Variants in KCNH1 observed in about 807,000 individuals in gnomAD.
The protein encoded by KCNH1 is voltage-gated delayed rectifier potassium channel KCNH1.
In KCNH1, 27 loss-of-function variants were observed where a neutral mutation model predicts 69.2. The observed-to-expected ratio is 0.39, with a 90% CI of 0.29 to 0.54. The LOEUF is 0.54. KCNH1 is among the 20% of genes least tolerant of loss of function. The pLI is 0.68. For synonymous variants in KCNH1, 456 were observed against 487.7 expected, an observed-to-expected ratio of 0.93 and a Z score of 0.86; for missense variants, 798 against 1,261.6, an observed-to-expected ratio of 0.63 and a Z score of 5.57.
intron 7 of KCNH1, among the ~76,000 whole-genome samples, chr1:210,862,596 A>C (rs1266702622): frequency 1.3e-5 from 2 of 152,176 alleles, no homozygotes; most frequent in Non-Finnish European, 2.9e-5. Context: ...AGCCTCCCAA[A>C]GTGCTGGATT....
chr1:210,900,203 C>A (rs999333832), intron 7 of KCNH1, among the ~76,000 whole-genome samples: 8 of 152,172 alleles, frequency 5.3e-5, no homozygotes, highest in Non-Finnish European at 7.3e-5. Flanking sequence ...AAAAACACAG[C>A]AATGCCTGGA....
intron 7 of KCNH1, among the ~76,000 whole-genome samples, chr1:210,903,878 G>T (rs1309371828): frequency 6.6e-6 from 1 of 152,166 alleles, no homozygotes; most frequent in Non-Finnish European, 1.5e-5. Flanking sequence ...GCTCCTTGGG[G>T]ACACAAACAG....
At chr1:210,972,286 T>C (rs548464890) in intron 6 of KCNH1, among the ~76,000 whole-genome samples, 7 of 152,252 alleles carry the variant, frequency 4.6e-5, no homozygotes, top group African/African-American at 1.7e-4. Flanking sequence ...AAAGGCTGCC[T>C]CCCATTCTGG....
At chr1:210,922,747 C>T (rs887170826) in intron 6 of KCNH1, among the ~76,000 whole-genome samples, 3 of 152,144 alleles carry the variant, frequency 2.0e-5, no homozygotes, top group African/African-American at 7.2e-5. Context: ...TACATTCTAA[C>T]AGAGGAGAAA....
intron 10 of KCNH1, among the ~76,000 whole-genome samples, chr1:210,689,997 G>A (rs1048440118): frequency 2.6e-5 from 4 of 152,172 alleles, no homozygotes; most frequent in African/African-American, 9.7e-5. Flanking sequence ...TCACACATGA[G>A]CATGGCCACA....
chr1:211,082,897 G>C lies in KCNH1; in HGVS notation c.441C>G (p.Gly147=), dbSNP rs765088844. ...KQPIEDDSCK[G]WGKFARLTRA... ...TTGTCAGCCGAGCAAACTTCCCCCA[G>C]CCTGAAGCAAGTGGAAGAGTGAAAA... is the stretch of plus-strand genomic sequence containing the variant. Residue 147 remains glycine, a splice_region_variant and synonymous_variant, in exon 5 of 11, where the codon GGC becomes GGG. Transcript: ENST00000271751. 1 of 1,612,920 alleles carries C rather than the reference G, an allele frequency of 6.2e-7. No individual in the cohort carries two copies. Among genetic ancestry groups the C allele is most frequent in the Non-Finnish European group, 8.5e-7 (1 of 1,179,292 alleles).
chr1:210,831,551 C>T lies in KCNH1; in HGVS notation c.1463-27385G>A, dbSNP rs146483728. ...AGCTATGAATAGATGCCTCAGTAGG[C>T]CATCTGGGCCATGGCATAGCACTTG... On this transcript the variant is annotated intron_variant, in intron 7 of 10. Coordinates refer to ENST00000271751, the MANE Select transcript of KCNH1 (RefSeq NM_172362.3). 2.9e-3 allele frequency among the ~76,000 whole-genome samples: 447 copies of T among 152,256 alleles called. 3 individuals carry two copies. Among genetic ancestry groups the T allele is most frequent in the African/African-American group, 0.01 (423 of 41,558 alleles).
At chr1:210,962,067 G>A (rs568313394) in intron 6 of KCNH1, among the ~76,000 whole-genome samples, 1 of 152,192 alleles carries the variant, frequency 6.6e-6, no homozygotes, top group East Asian at 1.9e-4. Context: ...ACTAAAGGGG[G>A]ACCCTTTGCA....
At chr1:210,826,136 A>G (rs1457849926) in intron 7 of KCNH1, among the ~76,000 whole-genome samples, 1 of 152,180 alleles carries the variant, frequency 6.6e-6, no homozygotes. Flanking sequence ...TGTGAGATGG[A>G]TTGAATTTTT....
intron 6 of KCNH1, among the ~76,000 whole-genome samples, chr1:210,999,226 C>T (rs938697859): frequency 5.3e-5 from 8 of 152,076 alleles, no homozygotes; most frequent in African/African-American, 1.9e-4. Context: ...AATCCAGGGG[C>T]TGGTTTTTTG....
At chr1:211,058,137 AAAAT>A (rs1164026505) in intron 5 of KCNH1, among the ~76,000 whole-genome samples, 3 of 152,234 alleles carry the variant, frequency 2.0e-5, no homozygotes, top group African/African-American at 7.2e-5. Flanking sequence ...ACATGAAGAA[AAAAT>A]AAATATTTTC....
At chr1:211,039,273 G>A (rs996447991) in intron 5 of KCNH1, among the ~76,000 whole-genome samples, 25 of 152,344 alleles carry the variant, frequency 1.6e-4, no homozygotes, top group African/African-American at 2.6e-4. Flanking sequence ...GGGAACTTCC[G>A]CCTAGATTTC....
intron 9 of KCNH1, among the ~76,000 whole-genome samples, chr1:210,782,420 C>A (rs546577952): frequency 2.0e-5 from 3 of 152,204 alleles, no homozygotes; most frequent in South Asian, 4.1e-4. Flanking sequence ...AAGATGGAAC[C>A]TTTATGATTA....
chr1:210,885,540 C>G (rs1413104848), intron 7 of KCNH1, among the ~76,000 whole-genome samples: 1 of 151,936 alleles, frequency 6.6e-6, no homozygotes, highest in African/African-American at 2.4e-5. Flanking sequence ...ACCAGCGAGA[C>G]AGAACCATTC....
chr1:210,802,861 G>C (rs1168022331), intron 8 of KCNH1, among the ~76,000 whole-genome samples: 1 of 152,034 alleles, frequency 6.6e-6, no homozygotes, highest in Non-Finnish European at 1.5e-5. Flanking sequence ...TGCATGGCAC[G>C]TGTATACCTG....
intron 9 of KCNH1, among the ~76,000 whole-genome samples, chr1:210,789,013 A>C (rs1482476619): frequency 6.6e-6 from 1 of 152,186 alleles, no homozygotes; most frequent in Non-Finnish European, 1.5e-5. Flanking sequence ...TCTTTCTAAA[A>C]GTGCGGACTT....
In KCNH1 at chr1:210,930,586, A is replaced by G. The variant is rs181631165; in HGVS notation, c.1033-10517T>C. ...GACCCAAAACCATAAAGAGTCTAGA[A>G]GATAACATTGGAAAAAACCCTTCTA... is the stretch of plus-strand genomic sequence containing the variant. On this transcript the variant is annotated intron_variant, in intron 6 of 10. Transcript: ENST00000271751. Among the ~76,000 whole-genome samples the G allele has an allele frequency of 2.4e-4, 36 of 152,344 alleles. No individual in the cohort carries two copies. In the East Asian group the frequency reaches 6.6e-3, roughly 28 times the overall value.
chr1:210,837,925 A>G (rs1244996598), intron 7 of KCNH1, among the ~76,000 whole-genome samples: 1 of 152,234 alleles, frequency 6.6e-6, no homozygotes, highest in Non-Finnish European at 1.5e-5. Context: ...GCTTTGTACA[A>G]TTTATAGATT....
intron 9 of KCNH1, among the ~76,000 whole-genome samples, chr1:210,779,580 G>C (rs898489006): frequency 6.6e-6 from 1 of 152,104 alleles, no homozygotes; most frequent in Non-Finnish European, 1.5e-5. Flanking sequence ...AAGAACAAAA[G>C]GTACCCCAAT....
Sources: allele counts gnomAD v4.1 joint callset (sites outside exome capture counted in the v4.1 genomes callset), GRCh38; gene constraint gnomAD v4.1.1; transcripts MANE v1.5; gene names NCBI Gene and HGNC (gene_info 2026-07-23, HGNC 2026-07-21).